The following IL1RAPL1 variants were observed in gnomAD, a reference collection of about 807,000 sequenced individuals.
IL1RAPL1 encodes interleukin 1 receptor accessory protein like 1, also known as interleukin-1 receptor accessory protein-like 1.
A neutral mutation model predicts 48.4 loss-of-function variants in IL1RAPL1; 3 were observed. The ratio of observed to expected loss-of-function variants is 0.06; its 90% CI spans 0.03 to 0.16. IL1RAPL1 has a LOEUF of 0.16. IL1RAPL1 is among the 10% of genes least tolerant of loss of function. The probability of loss-of-function intolerance (pLI) is 1.00; values close to 1 mark genes in which losing one functional copy is unlikely to be tolerated. For synonymous variants in IL1RAPL1, 185 were observed against 187.7 expected (o/e 0.99, Z 0.12); for missense variants, 349 against 530.6 (o/e 0.66, Z 3.36).
At chrX:28,881,805 A>G (rs765597366) in intron 2 of IL1RAPL1, among the ~76,000 whole-genome samples, 11 of 111,457 alleles carry the variant, frequency 9.9e-5, no homozygotes, top group Non-Finnish European at 1.9e-4. Context: ...AATGAACTTC[A>G]AGACATGTTA....
intron 6 of IL1RAPL1, among the ~76,000 whole-genome samples, chrX:29,694,329 G>A (rs1458218429): frequency 8.9e-6 from 1 of 111,909 alleles, no homozygotes; most frequent in Non-Finnish European, 1.9e-5. Context: ...TATTGTTAGA[G>A]CAAGAGATTT....
chrX:29,629,470 TG>T (rs1051144178), intron 5 of IL1RAPL1, among the ~76,000 whole-genome samples: 9 of 111,593 alleles, frequency 8.1e-5, no homozygotes, highest in African/African-American at 2.9e-4. Flanking sequence ...TTATAAAGTT[TG>T]TATTCCATGA....
intron 2 of IL1RAPL1, among the ~76,000 whole-genome samples, chrX:28,961,009 CAAAAAAAAAAAA>C (rs397947609): frequency 1.7e-4 from 3 of 17,488 alleles, no homozygotes; most frequent in African/African-American, 4.2e-4. Flanking sequence ...GACTCCGTCT[CAAAAAAAAAAAA>C]AAAAAAAAAA....
intron 2 of IL1RAPL1, among the ~76,000 whole-genome samples, chrX:29,158,763 A>G (rs1174926964): frequency 9.0e-6 from 1 of 111,389 alleles, no homozygotes; most frequent in African/African-American, 3.3e-5. Context: ...AAGGAGTCTC[A>G]TCACACTTGA....
chrX:29,650,825 A>G (rs1016392622), intron 5 of IL1RAPL1, among the ~76,000 whole-genome samples: 1 of 111,255 alleles, frequency 9.0e-6, no homozygotes, highest in Non-Finnish European at 1.9e-5. Context: ...GAAAAAATCA[A>G]TAGAATAAAA....
At chrX:29,737,883 G>A (rs1928090643) in intron 6 of IL1RAPL1, among the ~76,000 whole-genome samples, 1 of 111,821 alleles carries the variant, frequency 8.9e-6, no homozygotes, top group African/African-American at 3.3e-5. Context: ...ATAGCAAATG[G>A]CTAGAAAATT....
intron 6 of IL1RAPL1, among the ~76,000 whole-genome samples, chrX:29,754,830 G>A (rs772075128): frequency 2.7e-5 from 3 of 109,661 alleles, no homozygotes; most frequent in African/African-American, 6.6e-5. Flanking sequence ...TAACAAATTA[G>A]CACACATTTA....
chrX:28,752,022 G>A (rs1456511895), intron 1 of IL1RAPL1, among the ~76,000 whole-genome samples: 1 of 111,833 alleles, frequency 8.9e-6, no homozygotes, highest in African/African-American at 3.2e-5. Context: ...AAATTGCATT[G>A]CTGAAAGAAG....
chrX:29,535,793 A>G (rs2147780494), intron 5 of IL1RAPL1, among the ~76,000 whole-genome samples: 1 of 112,485 alleles, frequency 8.9e-6, no homozygotes, highest in East Asian at 2.8e-4. Context: ...ACCAGGGGGA[A>G]TTGACATTAG....
chrX:28,786,693 G>A (rs1014149629), intron 1 of IL1RAPL1, among the ~76,000 whole-genome samples: 1 of 111,944 alleles, frequency 8.9e-6, no homozygotes, highest in Non-Finnish European at 1.9e-5. Flanking sequence ...TTCTGCATAA[G>A]GTTTAGTAGT....
chrX:29,175,595 T>C (rs997132525), intron 2 of IL1RAPL1, among the ~76,000 whole-genome samples: 3 of 109,901 alleles, frequency 2.7e-5, no homozygotes, highest in Admixed American at 9.8e-5. Context: ...ACTTGTAATC[T>C]CAGCACTTTG....
chrX:28,747,498 G>A (rs772545537), intron 1 of IL1RAPL1, among the ~76,000 whole-genome samples: 26 of 110,443 alleles, frequency 2.4e-4, no homozygotes, highest in South Asian at 3.9e-4. Context: ...AAAATTAGCC[G>A]TGGGTGGTGG....
At chrX:29,278,917 G>C (rs1201199092) in intron 2 of IL1RAPL1, among the ~76,000 whole-genome samples, 1 of 111,845 alleles carries the variant, frequency 8.9e-6, no homozygotes, top group East Asian at 2.8e-4. Flanking sequence ...ATTCACAAGG[G>C]GATACATACT....
intron 1 of IL1RAPL1, among the ~76,000 whole-genome samples, chrX:28,751,189 T>A (rs748743477): frequency 1.8e-5 from 2 of 112,039 alleles, no homozygotes; most frequent in Non-Finnish European, 3.8e-5. Flanking sequence ...TAAATATTTA[T>A]AGAGCTTTTG....
chrX:29,803,226 TACACAC>T lies in IL1RAPL1; in HGVS notation c.779-114236_779-114231del, dbSNP rs1330912969. 2.2e-3 allele frequency among the ~76,000 whole-genome samples: 83 copies of T among 37,699 alleles called. 7 individuals carry two copies. The highest frequency in any genetic ancestry group is 8.5e-3 in the African/African-American group (76 of 8,942). 32.7% of individuals were successfully genotyped at this position (37,699 alleles called of 115,157 possible). A position where few individuals can be genotyped will look rare whatever the true frequency, so the allele number is the denominator to read the frequency against. On this transcript the variant is annotated intron_variant, in intron 6 of 10. Transcript: ENST00000378993. ...ACACACATGTATATATGTATACATATACACACATGTATATATGTATACATATACACA... is the reference window on the plus strand; with the variant it reads ...ACACACATGTATATATGTATACATATATGTATATATGTATACATATACACA...
At chrX:28,728,657 A>G (rs1174354449) in intron 1 of IL1RAPL1, among the ~76,000 whole-genome samples, 1 of 112,177 alleles carries the variant, frequency 8.9e-6, no homozygotes, top group African/African-American at 3.2e-5. Context: ...ATATTTGCAG[A>G]AAAACATAAA....
intron 5 of IL1RAPL1, among the ~76,000 whole-genome samples, chrX:29,611,746 C>T (rs999908161): frequency 9.0e-6 from 1 of 111,095 alleles, no homozygotes; most frequent in Non-Finnish European, 1.9e-5. Context: ...AGAATCAGGT[C>T]AGACATGGAC....
At chrX:29,517,613 T>C (rs912345101) in intron 5 of IL1RAPL1, among the ~76,000 whole-genome samples, 2 of 111,985 alleles carry the variant, frequency 1.8e-5, no homozygotes, top group African/African-American at 6.5e-5. Context: ...TCATGATTTA[T>C]TGTTCTTTGC....
At chrX:29,696,909 C>A (rs754455807) in intron 6 of IL1RAPL1, among the ~76,000 whole-genome samples, 1 of 110,678 alleles carries the variant, frequency 9.0e-6, no homozygotes, top group South Asian at 3.9e-4. Context: ...GAATAACTGT[C>A]CTCAAAAACA....
Sources: gnomAD v4.1 joint callset for allele counts (sites outside exome capture counted in the v4.1 genomes callset) on GRCh38, gnomAD v4.1.1 for gene constraint, MANE v1.5 for transcripts, NCBI Gene and HGNC (gene_info 2026-07-23, HGNC 2026-07-21) for gene names.